ATP10A: variants seen among roughly 807,000 people sequenced by gnomAD.
ATP10A encodes the protein phospholipid-transporting ATPase VA.
A neutral mutation model predicts 147.8 loss-of-function variants in ATP10A; 111 were observed. That is an observed-to-expected ratio of 0.75 (90% CI 0.64 to 0.88). The LOEUF (loss-of-function observed/expected upper bound fraction) is 0.88. ATP10A is among the 40% of genes least tolerant of loss of function. The pLI, the probability that ATP10A is intolerant of heterozygous loss-of-function variation, is 0.00. For missense variants in ATP10A, 1,927 were observed against 1,959.0 expected, an observed-to-expected ratio of 0.98 and a Z score of 0.31; for synonymous variants, 875 against 841.6, an observed-to-expected ratio of 1.04 and a Z score of -0.69.
chr15:25,683,310 G>C lies in ATP10A; in HGVS notation c.3468C>G (p.Leu1156=). The C allele has an allele frequency of 6.2e-7, 1 of 1,614,074 alleles. No homozygotes were observed. Among genetic ancestry groups the C allele is most frequent in the Non-Finnish European group, 8.5e-7 (1 of 1,180,032 alleles). Residue 1156 remains leucine (L), a synonymous_variant, in exon 17 of 21, where the codon CTC becomes CTG. Coordinates refer to ENST00000555815, the MANE Select transcript of ATP10A (RefSeq NM_024490.4). The part of the protein sequence containing the change: ...PANVLLTNPQ[L]YKSGQNMEEY... ...CCTCCATGTTCTGGCCACTCTTGTA[G>C]AGCTGCGGGTTGGTCAGCAGCACAT...
intron 12 of ATP10A, 96 bp downstream of exon 12, chr15:25,707,880 C>G: frequency 1.3e-6 from 2 of 1,516,916 alleles, no homozygotes; most frequent in Non-Finnish European, 1.8e-6. Flanking sequence ...CCAAGGCCAG[C>G]CTGCGGAGCA....
chr15:25,741,952 A>G (rs773730335), intron 2 of ATP10A, among the ~76,000 whole-genome samples: 4 of 152,382 alleles, frequency 2.6e-5, no homozygotes, highest in Admixed American at 2.6e-4. Context: ...TCCAAGTTCC[A>G]CAGATTCAGT....
At chr15:25,843,076 C>A (rs1045552675) in intron 1 of ATP10A, among the ~76,000 whole-genome samples, 6 of 152,122 alleles carry the variant, frequency 3.9e-5, no homozygotes, top group Admixed American at 3.9e-4. Flanking sequence ...ATTTCAAAAC[C>A]TATTGTTCTG....
At position 25,783,839 on chromosome 15, in the gene ATP10A, G is replaced by C. The variant is rs958278104; in HGVS notation, c.450-2616C>G. Among the ~76,000 whole-genome samples, 3 of 152,148 alleles carry C rather than the reference G, an allele frequency of 2.0e-5. No homozygotes were observed. In the East Asian group the frequency reaches 5.8e-4, roughly 29 times the overall value. ...CTGTGACAAGCTCGGTCACCTGCAGGCCATGTGGTCCCAGCATGGTCAGTC... is the reference window on the plus strand; with the variant it reads ...CTGTGACAAGCTCGGTCACCTGCAGCCCATGTGGTCCCAGCATGGTCAGTC... On this transcript the variant is annotated intron_variant, in intron 1 of 20. Transcript: ENST00000555815.
intron 2 of ATP10A, among the ~76,000 whole-genome samples, chr15:25,774,403 C>T (rs1889500772): frequency 6.6e-6 from 1 of 152,160 alleles, no homozygotes; most frequent in South Asian, 2.1e-4. Flanking sequence ...GGAGAAACCC[C>T]GTCTCTACTA....
intron 2 of ATP10A, among the ~76,000 whole-genome samples, chr15:25,739,934 G>A (rs559640786): frequency 2.6e-5 from 4 of 152,298 alleles, no homozygotes; most frequent in African/African-American, 9.6e-5. Flanking sequence ...AGCAGCAGGT[G>A]CTCCAGGGAT....
At chr15:25,687,388 GC>G (rs1899750248) in intron 16 of ATP10A, among the ~76,000 whole-genome samples, 1 of 151,928 alleles carries the variant, frequency 6.6e-6, no homozygotes, top group African/African-American at 2.4e-5. Context: ...CCAGCTGTGT[GC>G]CCCTGTGCAA....
intron 13 of ATP10A, among the ~76,000 whole-genome samples, chr15:25,698,332 A>G (rs1416824638): frequency 2.0e-5 from 3 of 152,216 alleles, no homozygotes; most frequent in Non-Finnish European, 4.4e-5. Flanking sequence ...GATGGGCCCA[A>G]TGGGAGAATA....
At position 25,723,770 on chromosome 15, in the gene ATP10A, G is replaced by T. The variant is rs1902386274; in HGVS notation, c.1110+121C>A. On this transcript the variant is annotated intron_variant, in intron 6 of 20. Transcript: ENST00000555815. ...TGAAAAATAAAAGGCAGAACTCCAG[G>T]TAGATATATTTGCCATCTTCCTAGA... 4.8e-6 allele frequency: 4 copies of T among 829,116 alleles called. No individual in the cohort carries two copies. The Admixed American group carries it at 1.1e-4, about 24-fold the overall frequency. The allele number at this position is 829,116 out of a possible 1,614,324, so 51.4% of individuals were successfully genotyped here. A position where few individuals can be genotyped will look rare whatever the true frequency, so the allele number is the denominator to read the frequency against.
At chr15:25,789,144 TA>T (rs1890298629) in intron 1 of ATP10A, among the ~76,000 whole-genome samples, 2 of 152,112 alleles carry the variant, frequency 1.3e-5, no homozygotes, top group African/African-American at 4.8e-5. Flanking sequence ...TTATTTTTTG[TA>T]GAGATGGGGT....
chr15:25,862,501 C>T (rs1893807835), intron 1 of ATP10A, 147 bp downstream of exon 1: 3 of 1,038,292 alleles, frequency 2.9e-6, no homozygotes, highest in Non-Finnish European at 4.1e-6. Flanking sequence ...TCGGTCGGCA[C>T]CGGGTCCCGC....
Position 25,736,041 on chromosome 15 carries a change from A to G in ATP10A, c.740+15T>C, listed in dbSNP as rs776568031. Reference sequence around the variant, plus strand: ...CAAACAGAAGGATGCGCGCAGGCAGACACACGATACTCACATGCAGCCGCG... The same window carrying G: ...CAAACAGAAGGATGCGCGCAGGCAGGCACACGATACTCACATGCAGCCGCG... On this transcript the variant is annotated intron_variant, in intron 3 of 20. Transcript: ENST00000555815. 3.1e-6 allele frequency: 5 copies of G among 1,601,254 alleles called. No individual in the cohort carries two copies. In the East Asian group the frequency reaches 8.9e-5, roughly 29 times the overall value.
chr15:25,732,871 C>A (rs1887026662), intron 3 of ATP10A, among the ~76,000 whole-genome samples: 1 of 152,034 alleles, frequency 6.6e-6, no homozygotes, highest in Non-Finnish European at 1.5e-5. Context: ...CCTTCTAATT[C>A]ATGTTGTACT....
intron 13 of ATP10A, among the ~76,000 whole-genome samples, chr15:25,700,835 T>A (rs943908879): frequency 1.3e-5 from 2 of 152,024 alleles, no homozygotes; most frequent in African/African-American, 4.8e-5. Flanking sequence ...TTTTACTATA[T>A]GCTAATTATA....
At position 25,693,057 on chromosome 15, in the gene ATP10A, T is replaced by C. The variant is rs527670424; in HGVS notation, c.3089-1266A>G. Among the ~76,000 whole-genome samples the C allele has an allele frequency of 4.9e-4, 75 of 151,678 alleles. 1 individual carries two copies. Among genetic ancestry groups the C allele is most frequent in the Middle Eastern group, 3.4e-3 (1 of 290 alleles). ...TTTTTTGAGACAGGGTCTCTCACTC[T>C]ATTGCCTAGGCTGGAGTGTAGTGGT... is the stretch of plus-strand genomic sequence containing the variant. On this transcript the variant is annotated intron_variant, in intron 14 of 20. Transcript: ENST00000555815.
intron 2 of ATP10A, among the ~76,000 whole-genome samples, chr15:25,776,778 C>T (rs763496776): frequency 3.3e-5 from 5 of 152,210 alleles, no homozygotes; most frequent in Admixed American, 1.3e-4. Flanking sequence ...CTCAACACTG[C>T]GCACTTTTTC....
At chr15:25,761,855 T>C (rs763466701) in intron 2 of ATP10A, among the ~76,000 whole-genome samples, 4 of 152,204 alleles carry the variant, frequency 2.6e-5, no homozygotes, top group Non-Finnish European at 4.4e-5. Context: ...ACTTGGACTT[T>C]TGGGTTAATG....
chr15:25,743,195 G>A (rs1465723643), intron 2 of ATP10A, among the ~76,000 whole-genome samples: 3 of 152,138 alleles, frequency 2.0e-5, no homozygotes, highest in Non-Finnish European at 4.4e-5. Context: ...AGGCCAACTG[G>A]GATGGAGAAT....
At chr15:25,777,209 C>T (rs1400408255) in intron 2 of ATP10A, among the ~76,000 whole-genome samples, 1 of 146,524 alleles carries the variant, frequency 6.8e-6, no homozygotes, top group African/African-American at 2.5e-5. Context: ...GTACCCTGGA[C>T]ATATTCCTGC....
Sources: gnomAD v4.1 joint callset for allele counts (sites outside exome capture counted in the v4.1 genomes callset) on GRCh38, gnomAD v4.1.1 for gene constraint, MANE v1.5 for transcripts, NCBI Gene and HGNC (gene_info 2026-07-23, HGNC 2026-07-21) for gene names.